Variants in FASTKD5 observed in about 807,000 individuals in gnomAD.
FASTKD5 encodes the protein FAST kinase domains 5, also known as non-canonical pre-mRNAs endonuclease FASTKD5, mitochondrial.
FASTKD5 carries 30 observed loss-of-function variants against 44.0 expected under a neutral mutation model. The ratio of observed to expected loss-of-function variants is 0.68; its 90% CI spans 0.51 to 0.93. FASTKD5 has a LOEUF of 0.93. FASTKD5 is among the 40% of genes least tolerant of loss of function. The pLI is 0.00. For synonymous variants in FASTKD5, 335 were observed against 342.2 expected (o/e 0.98, Z 0.23); for missense variants, 868 against 908.2 (o/e 0.96, Z 0.57).
chr20:3,147,061 G>A lies in FASTKD5; in HGVS notation c.2010C>T (p.Cys670=). 1 of 1,614,170 alleles carries A rather than the reference G, an allele frequency of 6.2e-7. No homozygotes were observed. Among genetic ancestry groups the A allele is most frequent in the Non-Finnish European group, 8.5e-7 (1 of 1,180,020 alleles). Residue 670 remains cysteine, a synonymous_variant, in exon 2 of 2, where the codon TGC becomes TGT. Transcript: ENST00000380266. ...KAAVPLGGFL[C]NVADKSGAME... is the part of the protein sequence containing the mutation. Reference sequence around the variant, plus strand: ...TGGCCCCTGATTTATCTGCTACATTGCAAAGGAAGCCCCCCAGAGGTACAG... The same window carrying A: ...TGGCCCCTGATTTATCTGCTACATTACAAAGGAAGCCCCCCAGAGGTACAG...
rs764402613 is a variant in FASTKD5, at chr20:3,148,353, T to C, written c.718A>G (p.Asn240Asp). ...TKCCHQVWEM[N>D]MDQLLLVADL... ...GCCACCAAAAGGAGCTGATCCATATTCATCTCCCATACCTGATGGCAACAC... is the reference window on the plus strand; with the variant it reads ...GCCACCAAAAGGAGCTGATCCATATCCATCTCCCATACCTGATGGCAACAC... Residue 240 changes from asparagine (N) to aspartate (D), a missense_variant, in exon 2 of 2, where the codon AAT becomes GAT. Physicochemically the swap from Asn to Asp is conservative, Grantham distance 23. Transcript: ENST00000380266. 2.5e-6 allele frequency: 4 copies of C among 1,614,016 alleles called. No individual in the cohort carries two copies. The highest frequency in any genetic ancestry group is 3.4e-6 in the Non-Finnish European group (4 of 1,180,050).
Position 3,147,692 on chromosome 20 carries a change from C to T in FASTKD5, c.1379G>A (p.Arg460Lys), listed in dbSNP as rs1600409800. Residue 460 changes from arginine (R) to lysine (K), a missense_variant, in exon 2 of 2, where the codon AGA (arginine) becomes AAA (lysine). Physicochemically the swap from Arg to Lys is conservative, Grantham distance 26. Transcript: ENST00000380266. ...FYSSLISEIH[R>K]KMPEFNQYPE... is the part of the protein sequence containing the mutation. ...GTACTGGTTGAATTCAGGCATCTTT[C>T]TGTGAATCTCACTTATCAGGCTGGA... is the stretch of plus-strand genomic sequence containing the variant. 3 of 1,614,228 alleles carry T rather than the reference C, an allele frequency of 1.9e-6. No homozygotes were observed. The highest frequency in any genetic ancestry group is 2.5e-6 in the Non-Finnish European group (3 of 1,180,042).
At chr20:3,152,189 A>C (rs1191470906) in intron 1 of FASTKD5, among the ~76,000 whole-genome samples, 1 of 151,304 alleles carries the variant, frequency 6.6e-6, no homozygotes, top group Non-Finnish European at 1.5e-5. Context: ...TTTTAAGAAG[A>C]CCTATTTTTG....
chr20:3,147,003 T>A lies in FASTKD5; in HGVS notation c.2068A>T (p.Met690Leu). 2 of 1,614,210 alleles carry A rather than the reference T, an allele frequency of 1.2e-6. No homozygotes were observed. The highest frequency in any genetic ancestry group is 1.7e-6 in the Non-Finnish European group (2 of 1,180,030). The stretch of plus-strand genomic sequence containing the variant: ...GCCAGCTTCATTCTTGGGGTCTGCA[T>A]GCAGGCTGCGGGGCACAGGCCAGCC... ...EMAGLCPAAC[M>L]QTPRMKLAVQ... Residue 690 changes from methionine (M) to leucine (L), a missense_variant, in exon 2 of 2, where the codon ATG (methionine) becomes TTG (leucine). By Grantham distance (15) the Met-to-Leu change is conservative. Coordinates refer to ENST00000380266, the MANE Select transcript of FASTKD5 (RefSeq NM_021826.5).
chr20:3,147,562 C>G lies in FASTKD5; in HGVS notation c.1509G>C (p.Gln503His), dbSNP rs6107247. The G allele has an allele frequency of 3.1e-6, 5 of 1,614,166 alleles. No individual in the cohort carries two copies. The Admixed American group carries it at 6.7e-5, about 22-fold the overall frequency. The change falls in exon 2 of 2, where the codon CAG becomes CAC. Residue 503 changes from glutamine to histidine, a missense_variant. Transcript: ENST00000380266. ...ALSPGFVRLA[Q>H]ERTKFDLLKE... is the part of the protein sequence containing the mutation. The stretch of plus-strand genomic sequence containing the variant: ...TAAGGAGGTCAAACTTAGTTCTCTC[C>G]TGAGCTAACCTGACAAACCCTGGAC...
Position 3,148,984 on chromosome 20 carries a change from T to G in FASTKD5, c.87A>C (p.Ser29=), listed in dbSNP as rs766403475. The G allele has an allele frequency of 6.2e-7, 1 of 1,614,124 alleles. No homozygotes were observed. The highest frequency in any genetic ancestry group is 1.7e-5 in the Admixed American group (1 of 60,014). Residue 29 remains serine, a synonymous_variant, in exon 2 of 2, where the codon TCA becomes TCC. Transcript: ENST00000380266. The part of the protein sequence containing the change: ...PSAFGAVRSV[S]YWNVSSTQHG... ...GCTGTGTGCTGCTCACATTCCAGTA[T>G]GACACACTTCGGACTGCACCAAAGG...
chr20:3,156,971 C>CA (rs2066692320), intron 1 of FASTKD5, among the ~76,000 whole-genome samples: 1 of 151,954 alleles, frequency 6.6e-6, no homozygotes, highest in Admixed American at 6.6e-5. Context: ...ATTAAAAAGG[C>CA]AAAAAAACTG....
intron 1 of FASTKD5, among the ~76,000 whole-genome samples, chr20:3,153,368 GAGCCTTGTAA>G (rs1233452590): frequency 6.6e-5 from 10 of 152,234 alleles, no homozygotes; most frequent in African/African-American, 2.4e-4. Context: ...CCAAGGCTTA[GAGCCTTGTAA>G]AGCTGCTTTA....
chr20:3,149,959 C>T lies in FASTKD5; in HGVS notation c.-190-699G>A, dbSNP rs1213277536. Among the ~76,000 whole-genome samples, 4 of 148,682 alleles carry T rather than the reference C, an allele frequency of 2.7e-5. No homozygotes were observed. Among genetic ancestry groups the T allele is most frequent in the East Asian group, 2.0e-4 (1 of 5,072 alleles). ...CCTTGAACCCAGGAGGCAGAGGTTG[C>T]GGTGAGCCAAGACCGTGCCACTGCA... On this transcript the variant is annotated intron_variant, in intron 1 of 1. Transcript: ENST00000380266. This position sits in a 1 kb window ranked among gnomAD's most constrained non-coding sequence, Gnocchi z 4.1.
Position 3,147,432 on chromosome 20 carries a change from A to C in FASTKD5, c.1639T>G (p.Tyr547Asp), listed in dbSNP as rs1229560143. Residue 547 changes from tyrosine to aspartate, a missense_variant, in exon 2 of 2, where the codon TAT becomes GAT. Transcript: ENST00000380266. Reference protein sequence around the residue: ...LQQEGSELLWYLAEKDMNSKP... With the variant: ...LQQEGSELLWDLAEKDMNSKP... ...GAATTCATATCCTTCTCTGCTAAAT[A>C]CCACAGCAATTCAGACCCCTCTTGC... 3.1e-6 allele frequency: 5 copies of C among 1,614,056 alleles called. No individual in the cohort carries two copies. Among genetic ancestry groups the C allele is most frequent in the African/African-American group, 1.3e-5 (1 of 74,932 alleles).
rs200117497 is a variant in FASTKD5 at position 3,148,783 on chromosome 20, G to A, written c.288C>T (p.Pro96=). The A allele has an allele frequency of 1.2e-6, 2 of 1,614,080 alleles. No homozygotes were observed. Among genetic ancestry groups the A allele is most frequent in the East Asian group, 2.2e-5 (1 of 44,900 alleles). Residue 96 remains proline, a synonymous_variant, in exon 2 of 2, where the codon CCC becomes CCT. Coordinates refer to ENST00000380266, the MANE Select transcript of FASTKD5 (RefSeq NM_021826.5). The stretch of plus-strand genomic sequence containing the variant: ...CCTCTTCATCAACTCCTGTGGCCCT[G>A]GGTGAGCCCAGCTGCAATGTACTGG... The part of the protein sequence containing the change: ...SKASTLQLGS[P]RATGVDEEDV...
chr20:3,155,905 T>C (rs1380001725), intron 1 of FASTKD5, among the ~76,000 whole-genome samples: 1 of 152,230 alleles, frequency 6.6e-6, no homozygotes, highest in Non-Finnish European at 1.5e-5. Flanking sequence ...CTATAGAAAC[T>C]GTATCTACAT....
chr20:3,158,409 G>A (rs2066711672), intron 1 of FASTKD5, among the ~76,000 whole-genome samples: 1 of 152,106 alleles, frequency 6.6e-6, no homozygotes, highest in Non-Finnish European at 1.5e-5. Flanking sequence ...ACTGCCAAAG[G>A]CCTCACTTTT....
At position 3,148,159 on chromosome 20, in the gene FASTKD5, T is replaced by C. The variant is rs2066587807; in HGVS notation, c.912A>G (p.Ser304=). The C allele has an allele frequency of 6.2e-7, 1 of 1,613,858 alleles. No individual in the cohort carries two copies. Among genetic ancestry groups the C allele is most frequent in the Non-Finnish European group, 8.5e-7 (1 of 1,179,978 alleles). Residue 304 remains serine (S), a synonymous_variant, in exon 2 of 2, where the codon TCA becomes TCG. Coordinates refer to ENST00000380266, the MANE Select transcript of FASTKD5 (RefSeq NM_021826.5). ...TCAAATCTATATATTTAAGGATCAA[T>C]GATTCCAATTTTTGCATTAGGTCCT... is the stretch of plus-strand genomic sequence containing the variant. ...VSQDLMQKLE[S]LILKYIDLIN...
At chr20:3,152,085 A>G (rs1206867340) in intron 1 of FASTKD5, among the ~76,000 whole-genome samples, 4 of 140,324 alleles carry the variant, frequency 2.9e-5, no homozygotes, top group African/African-American at 1.1e-4. Context: ...AGCCTGGGTG[A>G]CAGAGACTCT....
chr20:3,155,846 G>GT (rs2066678363), intron 1 of FASTKD5, among the ~76,000 whole-genome samples: 1 of 152,098 alleles, frequency 6.6e-6, no homozygotes, highest in Admixed American at 6.6e-5. Context: ...CCTACAAATG[G>GT]TAAACAGTGG....
rs1187259694 is a variant in FASTKD5, at chr20:3,146,724, C to A, written c.*52G>T. 1.3e-6 allele frequency: 2 copies of A among 1,548,056 alleles called. No individual in the cohort carries two copies. The highest frequency in any genetic ancestry group is 2.8e-5 in the African/African-American group (2 of 72,560). On this transcript the variant is annotated 3_prime_UTR_variant, in exon 2 of 2. Transcript: ENST00000380266. ...GGCTTTTATAATCATTTTGCAACAC[C>A]TGGTACAGTATACACCTATAGCTTT... is the stretch of plus-strand genomic sequence containing the variant.
intron 1 of FASTKD5, among the ~76,000 whole-genome samples, chr20:3,154,613 G>T (rs940363222): frequency 3.3e-5 from 5 of 152,132 alleles, no homozygotes; most frequent in Non-Finnish European, 7.4e-5. Flanking sequence ...AGCCCAAAAA[G>T]TTAAGGCTGC....
chr20:3,147,894 C>T lies in FASTKD5; in HGVS notation c.1177G>A (p.Val393Ile), dbSNP rs2066584136. The T allele has an allele frequency of 6.2e-7, 1 of 1,614,112 alleles. No homozygotes were observed. Among genetic ancestry groups the T allele is most frequent in the African/African-American group, 1.3e-5 (1 of 74,934 alleles). Reference sequence around the variant, plus strand: ...GAGCAGTAAAGAGTCAGGTGCATGACACCTTGAACTCCCAGGGAAGGAATT... The same window carrying T: ...GAGCAGTAAAGAGTCAGGTGCATGATACCTTGAACTCCCAGGGAAGGAATT... ...QRIPSLGVQG[V>I]MHLTLYCSAL... The change falls in exon 2 of 2, where the codon GTC becomes ATC. Residue 393 changes from valine (V) to isoleucine (I), a missense_variant. Val to Ile is a conservative substitution (Grantham distance 29). Transcript: ENST00000380266.
Sources: allele counts gnomAD v4.1 joint callset (sites outside exome capture counted in the v4.1 genomes callset), GRCh38; gene constraint gnomAD v4.1.1; non-coding constraint Gnocchi (gnomAD v3.1); transcripts MANE v1.5; gene names NCBI Gene and HGNC (gene_info 2026-07-23, HGNC 2026-07-21).